RNF19A: variants seen among roughly 807,000 people sequenced by gnomAD.
RNF19A encodes the protein E3 ubiquitin-protein ligase RNF19A.
RNF19A carries 32 observed loss-of-function variants against 75.7 expected under a neutral mutation model. The observed-to-expected ratio is 0.42, with a 90% CI of 0.32 to 0.57. The LOEUF is 0.57. Ranked by LOEUF, RNF19A falls within the 20% of genes least tolerant of loss-of-function variation. The pLI, the probability that RNF19A is intolerant of heterozygous loss-of-function variation, is 0.10. For synonymous variants in RNF19A, 335 were observed against 345.2 expected, an observed-to-expected ratio of 0.97 and a Z score of 0.33; for missense variants, 782 against 1,036.3, an observed-to-expected ratio of 0.75 and a Z score of 3.37.
intron 2 of RNF19A, among the ~76,000 whole-genome samples, chr8:100,281,823 A>T (rs1335120352): frequency 1.3e-5 from 2 of 152,206 alleles, no homozygotes; most frequent in Non-Finnish European, 2.9e-5. Flanking sequence ...AGTTAAGGGG[A>T]ACAGTCAAGT....
intron 1 of RNF19A, among the ~76,000 whole-genome samples, chr8:100,326,506 C>T (rs2130380727): frequency 6.6e-6 from 1 of 152,260 alleles, no homozygotes; most frequent in African/African-American, 2.4e-5. Context: ...AGAGCCAGTC[C>T]CTGCCCTAAC....
At chr8:100,278,753 T>A (rs1820641461) in intron 2 of RNF19A, among the ~76,000 whole-genome samples, 1 of 152,088 alleles carries the variant, frequency 6.6e-6, no homozygotes, top group African/African-American at 2.4e-5. Flanking sequence ...CTGACCTAAT[T>A]TTTAATTAAT....
intron 1 of RNF19A, among the ~76,000 whole-genome samples, chr8:100,308,655 G>T (rs1402507119): frequency 1.3e-5 from 2 of 148,782 alleles, no homozygotes; most frequent in African/African-American, 2.5e-5. Flanking sequence ...AATAAGAAAA[G>T]ATATTTTAAA....
chr8:100,269,966 T>C lies in RNF19A; in HGVS notation c.931A>G (p.Met311Val), dbSNP rs1473525480. 6.2e-7 allele frequency: 1 copy of C among 1,609,674 alleles called. No individual in the cohort carries two copies. Among genetic ancestry groups the C allele is most frequent in the Non-Finnish European group, 8.5e-7 (1 of 1,177,990 alleles). ...ATGTGATTGCAGCTCCCATCATTCA[T>C]CTTTATTATATAAGCAGCACATCGT... ...CPRCAAYIIKMNDGSCNHMTC... is the reference protein window; with the variant it reads ...CPRCAAYIIKVNDGSCNHMTC... The change falls in exon 4 of 10, where the codon ATG becomes GTG. Residue 311 changes from methionine (M) to valine (V), a missense_variant. By Grantham distance (21) the Met-to-Val change is conservative. Around this residue, in one of 7 missense-constraint regions of RNF19A, gnomAD observed 31 missense variants for 48.8 expected, o/e 0.64. Coordinates refer to ENST00000341084, the MANE Select transcript of RNF19A (RefSeq NM_183419.4). This position sits in a 1 kb window ranked among gnomAD's most constrained non-coding sequence, Gnocchi z 5.7.
intron 2 of RNF19A, among the ~76,000 whole-genome samples, chr8:100,282,641 A>T (rs531507677): frequency 2.7e-5 from 4 of 149,160 alleles, no homozygotes; most frequent in African/African-American, 1.0e-4. Context: ...AGTCCCATGT[A>T]CTTGTTTTCT....
intron 3 of RNF19A, among the ~76,000 whole-genome samples, chr8:100,274,064 C>A (rs1820386487): frequency 6.6e-6 from 1 of 152,104 alleles, no homozygotes; most frequent in Non-Finnish European, 1.5e-5. Flanking sequence ...GGATTACAGG[C>A]ATGAGCCACC....
intron 3 of RNF19A, among the ~76,000 whole-genome samples, chr8:100,272,719 T>C (rs1005536871): frequency 6.6e-6 from 1 of 151,486 alleles, no homozygotes; most frequent in Non-Finnish European, 1.5e-5. Flanking sequence ...AATTTTTGTA[T>C]TTTTAGTAGA....
At chr8:100,313,125 T>C (rs762772823), upstream of RNF19A, among the ~76,000 whole-genome samples, 9 of 152,220 alleles carry the variant, frequency 5.9e-5, no homozygotes, top group Non-Finnish European at 1.3e-4. Context: ...TCATTTAACA[T>C]CAATTCGATA....
chr8:100,264,631 T>C lies in RNF19A; in HGVS notation c.1306+40A>G, dbSNP rs567040389. ...ATCCTTCCACAAAACTTTAACTCCA[T>C]AAAATTGTAGGTAATTAGTACTTTT... On this transcript the variant is annotated intron_variant, in intron 6 of 9. Transcript: ENST00000341084. The surrounding 1 kb of genome is among the most constrained non-coding windows in gnomAD (Gnocchi z 4.7). 5.3e-6 allele frequency: 7 copies of C among 1,324,400 alleles called. No homozygotes were observed. The highest frequency in any genetic ancestry group is 4.4e-5 in the African/African-American group (3 of 68,074). The allele number at this position is 1,324,400 out of a possible 1,614,324, so 82.0% of individuals were successfully genotyped here. A position where few individuals can be genotyped will look rare whatever the true frequency, so the allele number is the denominator to read the frequency against.
chr8:100,258,141 T>C lies in RNF19A; in HGVS notation c.*415A>G, dbSNP rs921355705. The C allele has an allele frequency of 2.5e-6, 1 of 404,004 alleles. No individual in the cohort carries two copies. Among genetic ancestry groups the C allele is most frequent in the Non-Finnish European group, 4.4e-6 (1 of 229,506 alleles). 25.0% of individuals were successfully genotyped at this position (404,004 alleles called of 1,614,324 possible). The stretch of plus-strand genomic sequence containing the variant: ...AGTAACCTATGCAGTTCTTTTAAAC[T>C]TATCTCTTTAGTGGTTTCAATAAAA... On this transcript the variant is annotated 3_prime_UTR_variant, in exon 10 of 10. Transcript: ENST00000341084. The surrounding 1 kb of genome is among the most constrained non-coding windows in gnomAD (Gnocchi z 4.3).
chr8:100,281,224 C>T (rs944119482), intron 2 of RNF19A, among the ~76,000 whole-genome samples: 6 of 152,188 alleles, frequency 3.9e-5, no homozygotes, highest in Admixed American at 1.3e-4. Context: ...GGGGCTGAAA[C>T]AGCAGTCTCT....
upstream of RNF19A, among the ~76,000 whole-genome samples, chr8:100,313,588 G>A (rs1822331966): frequency 6.6e-6 from 1 of 152,208 alleles, no homozygotes; most frequent in Non-Finnish European, 1.5e-5. Flanking sequence ...GTATGGTAAG[G>A]AGAATTCTAA....
intron 1 of RNF19A, among the ~76,000 whole-genome samples, chr8:100,288,555 G>A (rs1308455415): frequency 6.6e-6 from 1 of 152,102 alleles, no homozygotes; most frequent in African/African-American, 2.4e-5. Context: ...GCCTTTAGCA[G>A]GTCTTTTTGT....
chr8:100,315,107 A>G (rs1822353357), intron 1 of RNF19A, among the ~76,000 whole-genome samples: 1 of 152,122 alleles, frequency 6.6e-6, no homozygotes, highest in African/African-American at 2.4e-5. Flanking sequence ...CCTAGGCAAC[A>G]TGACAAAACC....
chr8:100,297,953 T>C (rs1443287993), intron 1 of RNF19A, among the ~76,000 whole-genome samples: 1 of 152,128 alleles, frequency 6.6e-6, no homozygotes, highest in African/African-American at 2.4e-5. Flanking sequence ...ATATCTTGAG[T>C]TCAAGTTCAG....
chr8:100,302,739 G>A (rs1038108374), intron 1 of RNF19A, among the ~76,000 whole-genome samples: 7 of 152,108 alleles, frequency 4.6e-5, no homozygotes, highest in African/African-American at 1.7e-4. Context: ...AAGGTGGAAG[G>A]GGGATCATGG....
chr8:100,289,724 A>G (rs1168204607), intron 1 of RNF19A, among the ~76,000 whole-genome samples: 4 of 152,192 alleles, frequency 2.6e-5, no homozygotes. Context: ...ACTTTGGAAA[A>G]CTGTTTAACA....
chr8:100,300,164 A>C (rs1194757195), intron 1 of RNF19A, among the ~76,000 whole-genome samples: 1 of 152,232 alleles, frequency 6.6e-6, no homozygotes, highest in African/African-American at 2.4e-5. Flanking sequence ...TAGTATTCAA[A>C]TTAGCTTCTC....
chr8:100,316,251 G>A (rs1430969584), intron 1 of RNF19A, among the ~76,000 whole-genome samples: 3 of 152,066 alleles, frequency 2.0e-5, no homozygotes, highest in Admixed American at 6.5e-5. Flanking sequence ...CGCGGTGAGT[G>A]TTACAGCTCA....
Sources: gnomAD v4.1 joint callset for allele counts (sites outside exome capture counted in the v4.1 genomes callset) on GRCh38, gnomAD v4.1.1 for gene constraint, gnomAD v4.1.1 regional missense constraint, Gnocchi (gnomAD v3.1) non-coding constraint, MANE v1.5 for transcripts, NCBI Gene and HGNC (gene_info 2026-07-23, HGNC 2026-07-21) for gene names.